The following PRKCE variants were observed in gnomAD, a reference collection of about 807,000 sequenced individuals.
PRKCE encodes the protein protein kinase C epsilon type.
A neutral mutation model predicts 85.4 loss-of-function variants in PRKCE; 16 were observed. The ratio of observed to expected loss-of-function variants is 0.19; its 90% CI spans 0.13 to 0.28. The LOEUF is 0.28. Among genes scored for constraint, PRKCE ranks in the 10% least tolerant of loss-of-function variants. PRKCE has a pLI of 1.00. For synonymous variants in PRKCE, 388 were observed against 371.5 expected, an observed-to-expected ratio of 1.04 and a Z score of -0.51; for missense variants, 573 against 975.2, an observed-to-expected ratio of 0.59 and a Z score of 5.49.
chr2:46,028,737 G>C (rs778493625), intron 10 of PRKCE, among the ~76,000 whole-genome samples: 2 of 152,166 alleles, frequency 1.3e-5, no homozygotes, highest in African/African-American at 4.8e-5. Flanking sequence ...TGTCATGGGG[G>C]CTTATTGTAC....
At chr2:45,941,422 C>T (rs1171717568) in intron 2 of PRKCE, among the ~76,000 whole-genome samples, 2 of 152,166 alleles carry the variant, frequency 1.3e-5, no homozygotes, top group African/African-American at 2.4e-5. Flanking sequence ...GGCCTCCAGC[C>T]TTAAGAAACT....
chr2:45,763,317 G>C (rs1426866453), intron 1 of PRKCE, among the ~76,000 whole-genome samples: 1 of 152,154 alleles, frequency 6.6e-6, no homozygotes, highest in Admixed American at 6.5e-5. Flanking sequence ...CCTGTGAATG[G>C]AAGGGGCATT....
chr2:45,845,094 G>T (rs1691670801), intron 2 of PRKCE, among the ~76,000 whole-genome samples: 1 of 146,216 alleles, frequency 6.8e-6, no homozygotes, highest in African/African-American at 2.5e-5. Flanking sequence ...TGCTGTTCTT[G>T]GACTTGGGAT....
intron 2 of PRKCE, among the ~76,000 whole-genome samples, chr2:45,875,600 T>C (rs1183393194): frequency 6.6e-6 from 1 of 152,124 alleles, no homozygotes; most frequent in Non-Finnish European, 1.5e-5. Flanking sequence ...GAGTTTTTTG[T>C]TGTTGTTGTT....
intron 6 of PRKCE, among the ~76,000 whole-genome samples, chr2:45,993,542 C>T (rs146924538): frequency 2.9e-4 from 44 of 152,310 alleles, no homozygotes; most frequent in African/African-American, 1.0e-3. Context: ...GCCGACCTGC[C>T]AGCCCAAGTT....
At chr2:45,985,496 T>C (rs1703243408) in intron 6 of PRKCE, among the ~76,000 whole-genome samples, 1 of 152,174 alleles carries the variant, frequency 6.6e-6, no homozygotes, top group African/African-American at 2.4e-5. Flanking sequence ...AAATAGTGTT[T>C]TACTGTTTGT....
At chr2:46,154,372 C>T (rs896185924) in intron 13 of PRKCE, among the ~76,000 whole-genome samples, 38 of 152,048 alleles carry the variant, frequency 2.5e-4, no homozygotes, top group Admixed American at 2.1e-3. Flanking sequence ...CCTCTCACTC[C>T]GAGAATGGTT....
intron 11 of PRKCE, among the ~76,000 whole-genome samples, chr2:46,137,663 T>C (rs1281712953): frequency 6.7e-6 from 1 of 150,166 alleles, no homozygotes; most frequent in Non-Finnish European, 1.5e-5. Flanking sequence ...CTCAGGAGGC[T>C]GAGGCAGGAG....
chr2:46,105,567 T>C (rs1671641256), intron 11 of PRKCE, among the ~76,000 whole-genome samples: 1 of 152,126 alleles, frequency 6.6e-6, no homozygotes, highest in Non-Finnish European at 1.5e-5. Context: ...CTTTTTCTTC[T>C]AATACCATGA....
At chr2:45,951,767 G>A (rs1328424514) in intron 2 of PRKCE, among the ~76,000 whole-genome samples, 1 of 152,244 alleles carries the variant, frequency 6.6e-6, no homozygotes, top group Non-Finnish European at 1.5e-5. Context: ...CAAAGCACGA[G>A]TGAGTGGTTT....
chr2:46,034,906 T>C (rs1381723686), intron 10 of PRKCE, among the ~76,000 whole-genome samples: 1 of 152,270 alleles, frequency 6.6e-6, no homozygotes, highest in African/African-American at 2.4e-5. Context: ...GACTGCTAGC[T>C]TGTTGGCATG....
chr2:45,841,500 A>C (rs138500915), intron 1 of PRKCE, among the ~76,000 whole-genome samples: 1 of 152,244 alleles, frequency 6.6e-6, no homozygotes, highest in Non-Finnish European at 1.5e-5. Flanking sequence ...TAGTCTTTCA[A>C]ACTTCTTCTG....
intron 1 of PRKCE, among the ~76,000 whole-genome samples, chr2:45,776,349 C>T (rs1052122357): frequency 2.0e-5 from 3 of 152,200 alleles, no homozygotes; most frequent in African/African-American, 4.8e-5. Context: ...CTACGAGTTT[C>T]GGCTTTTCTG....
At chr2:45,892,886 C>T (rs1695837752) in intron 2 of PRKCE, among the ~76,000 whole-genome samples, 1 of 152,166 alleles carries the variant, frequency 6.6e-6, no homozygotes, top group African/African-American at 2.4e-5. Flanking sequence ...GTGCAGCAGT[C>T]AGTAATGTAC....
intron 2 of PRKCE, among the ~76,000 whole-genome samples, chr2:45,851,474 A>C (rs887177190): frequency 1.3e-5 from 2 of 152,122 alleles, no homozygotes; most frequent in African/African-American, 4.8e-5. Flanking sequence ...GTGTGTTTGC[A>C]GGTTGTCTAT....
intron 10 of PRKCE, among the ~76,000 whole-genome samples, chr2:46,032,155 TA>T (rs1355165776): frequency 1.3e-5 from 2 of 152,236 alleles, no homozygotes; most frequent in African/African-American, 4.8e-5. Context: ...ATACAACTTT[TA>T]AATTGCTTTA....
In PRKCE at chr2:45,823,073, T is replaced by C. The variant is rs147101046; in HGVS notation, c.349-19927T>C. On this transcript the variant is annotated intron_variant, in intron 1 of 14. Coordinates refer to ENST00000306156, the MANE Select transcript of PRKCE (RefSeq NM_005400.3). ...TAGGCCCAGGGGAAACAAAGAGGTA[T>C]GGACTCTGTCCCCAAGGAGCCTGGG... Among the ~76,000 whole-genome samples the C allele has an allele frequency of 5.6e-3, 859 of 152,332 alleles. 10 individuals carry two copies. Among genetic ancestry groups the C allele is most frequent in the African/African-American group, 0.019 (795 of 41,572 alleles).
chr2:45,953,871 C>T (rs1035385841), intron 2 of PRKCE, among the ~76,000 whole-genome samples: 4 of 152,130 alleles, frequency 2.6e-5, no homozygotes, highest in Non-Finnish European at 5.9e-5. Context: ...TAATTATTTT[C>T]GTGTACCTCC....
chr2:45,980,064 C>G (rs1371985673), intron 4 of PRKCE, among the ~76,000 whole-genome samples: 1 of 152,174 alleles, frequency 6.6e-6, no homozygotes. Flanking sequence ...TGCTAATGTC[C>G]TTTGAATATA....
Sources: allele counts gnomAD v4.1 joint callset (sites outside exome capture counted in the v4.1 genomes callset), GRCh38; gene constraint gnomAD v4.1.1; transcripts MANE v1.5; gene names NCBI Gene and HGNC (gene_info 2026-07-23, HGNC 2026-07-21).